RSRC1: variants seen among roughly 807,000 people sequenced by gnomAD.
The protein encoded by RSRC1 is serine/Arginine-related protein 53.
Under a neutral mutation model 49.1 loss-of-function variants are expected in RSRC1, and 39 were observed. The observed-to-expected ratio is 0.79, with a 90% CI of 0.61 to 1.04. The LOEUF is 1.04. Ranked by LOEUF, RSRC1 falls within the 50% of genes least tolerant of loss-of-function variation. RSRC1 has a pLI of 0.00. For synonymous variants in RSRC1, 143 were observed against 130.8 expected (o/e 1.09, Z -0.63); for missense variants, 388 against 402.4 (o/e 0.96, Z 0.31).
intron 6 of RSRC1, among the ~76,000 whole-genome samples, chr3:158,381,186 T>C (rs989998394): frequency 6.6e-6 from 1 of 152,198 alleles, no homozygotes; most frequent in Non-Finnish European, 1.5e-5. Flanking sequence ...AAACCATGCA[T>C]TGTGCCATTT....
intron 4 of RSRC1, among the ~76,000 whole-genome samples, chr3:158,230,175 G>C (rs1396814115): frequency 6.6e-6 from 1 of 151,878 alleles, no homozygotes; most frequent in South Asian, 2.1e-4. Context: ...GCCTCAATTT[G>C]GGTTTGTCTA....
intron 6 of RSRC1, among the ~76,000 whole-genome samples, chr3:158,430,219 A>G (rs1280386544): frequency 6.6e-6 from 1 of 151,848 alleles, no homozygotes; most frequent in Non-Finnish European, 1.5e-5. Context: ...TGTTATTTAA[A>G]CTTTTTTGCA....
intron 7 of RSRC1, among the ~76,000 whole-genome samples, chr3:158,467,064 A>G (rs1737922859): frequency 6.6e-6 from 1 of 152,222 alleles, no homozygotes; most frequent in Non-Finnish European, 1.5e-5. Context: ...TAGTCTCTTA[A>G]GAAAAAAATA....
At chr3:158,433,944 ATAAAG>A (rs1482415809) in intron 6 of RSRC1, among the ~76,000 whole-genome samples, 1 of 151,984 alleles carries the variant, frequency 6.6e-6, no homozygotes, top group Non-Finnish European at 1.5e-5. Context: ...GTTAAATAAA[ATAAAG>A]TTATCTCTTG....
At chr3:158,247,878 G>A (rs1201216460) in intron 4 of RSRC1, among the ~76,000 whole-genome samples, 7 of 152,048 alleles carry the variant, frequency 4.6e-5, no homozygotes, top group African/African-American at 1.2e-4. Context: ...GTTGGCCATC[G>A]CCCCACCCTG....
At chr3:158,130,798 T>A (rs79278282) in intron 3 of RSRC1, among the ~76,000 whole-genome samples, 257 of 152,326 alleles carry the variant, frequency 1.7e-3, no homozygotes, top group African/African-American at 6.1e-3. Flanking sequence ...TTTGTACATG[T>A]TGTATATGTT....
At chr3:158,284,923 T>G (rs940147746) in intron 4 of RSRC1, among the ~76,000 whole-genome samples, 4 of 152,270 alleles carry the variant, frequency 2.6e-5, no homozygotes, top group Non-Finnish European at 5.9e-5. Context: ...CAATTTTGGC[T>G]TTTGTTGCCA....
At chr3:158,285,206 T>G (rs1295379770) in intron 4 of RSRC1, among the ~76,000 whole-genome samples, 1 of 152,114 alleles carries the variant, frequency 6.6e-6, no homozygotes, top group Non-Finnish European at 1.5e-5. Context: ...ATAGTTGTAG[T>G]TATTCGGCGT....
chr3:158,332,408 G>C (rs1729599964), intron 5 of RSRC1, among the ~76,000 whole-genome samples: 1 of 145,252 alleles, frequency 6.9e-6, no homozygotes. Flanking sequence ...AAACTGGTAT[G>C]TTTATTCATT....
At chr3:158,222,322 C>T (rs1722267389) in intron 4 of RSRC1, among the ~76,000 whole-genome samples, 1 of 151,306 alleles carries the variant, frequency 6.6e-6, no homozygotes, top group South Asian at 2.1e-4. Flanking sequence ...GGTAACAAGC[C>T]AAGCAACATA....
At chr3:158,516,590 C>T (rs1740550342) in intron 7 of RSRC1, among the ~76,000 whole-genome samples, 1 of 152,204 alleles carries the variant, frequency 6.6e-6, no homozygotes, top group African/African-American at 2.4e-5. Flanking sequence ...CCTACAGAGG[C>T]AGGCAGGCCT....
At chr3:158,307,497 A>G (rs1349471945) in intron 5 of RSRC1, among the ~76,000 whole-genome samples, 1 of 151,956 alleles carries the variant, frequency 6.6e-6, no homozygotes, top group African/African-American at 2.4e-5. Flanking sequence ...CAATGTGTAT[A>G]AATAGATTTA....
intron 3 of RSRC1, among the ~76,000 whole-genome samples, chr3:158,194,590 G>T (rs1258319692): frequency 6.7e-6 from 1 of 150,274 alleles, no homozygotes; most frequent in African/African-American, 2.5e-5. Context: ...TTGGTGTGCT[G>T]CACCCATTAA....
chr3:158,463,783 A>C (rs934137780), intron 7 of RSRC1, among the ~76,000 whole-genome samples: 2 of 152,094 alleles, frequency 1.3e-5, no homozygotes, highest in African/African-American at 4.8e-5. Context: ...GCACACCAAA[A>C]CTGGTCCAGG....
At chr3:158,242,041 T>TTTC (rs1723620150) in intron 4 of RSRC1, among the ~76,000 whole-genome samples, 1 of 141,242 alleles carries the variant, frequency 7.1e-6, no homozygotes, top group East Asian at 2.0e-4. Flanking sequence ...CCTTTTTTTT[T>TTTC]TTTTTTTTTT....
At chr3:158,125,650 C>T (rs547508448) in intron 3 of RSRC1, among the ~76,000 whole-genome samples, 17 of 152,220 alleles carry the variant, frequency 1.1e-4, no homozygotes, top group Middle Eastern at 3.4e-3. Context: ...TGAAATCTGT[C>T]GTGGAGAATG....
chr3:158,229,384 GTGTATA>G (rs1438789232), intron 4 of RSRC1, among the ~76,000 whole-genome samples: 37 of 94,978 alleles, frequency 3.9e-4, no homozygotes, highest in East Asian at 1.7e-3. Context: ...GTGTATGTAT[GTGTATA>G]TATATACACA....
At chr3:158,228,889 T>C (rs1267150565) in intron 4 of RSRC1, among the ~76,000 whole-genome samples, 1 of 108,250 alleles carries the variant, frequency 9.2e-6, no homozygotes, top group Non-Finnish European at 2.0e-5. Flanking sequence ...ATACGTGTAA[T>C]GTGTATATAA....
chr3:158,275,242 C>G (rs926111836), intron 4 of RSRC1, among the ~76,000 whole-genome samples: 2 of 152,186 alleles, frequency 1.3e-5, no homozygotes, highest in African/African-American at 4.8e-5. Flanking sequence ...GAGCTTTCAC[C>G]TTTTATGTGA....
Sources: gnomAD v4.1 joint callset for allele counts (sites outside exome capture counted in the v4.1 genomes callset) on GRCh38, gnomAD v4.1.1 for gene constraint, MANE v1.5 for transcripts, NCBI Gene and HGNC (gene_info 2026-07-23, HGNC 2026-07-21) for gene names.